Variants in XXYLT1 observed in about 807,000 individuals in gnomAD.
The protein encoded by XXYLT1 is xyloside xylosyltransferase 1.
In XXYLT1, 20 loss-of-function variants were observed where a neutral mutation model predicts 28.9. The observed-to-expected ratio is 0.69, with a 90% CI of 0.49 to 1.00. The LOEUF (loss-of-function observed/expected upper bound fraction) is 1.00, where lower values mean the gene tolerates loss of function less well. Ranked by LOEUF, XXYLT1 falls within the 50% of genes least tolerant of loss-of-function variation. XXYLT1 has a pLI of 0.00. For synonymous variants in XXYLT1, 257 were observed against 253.8 expected, an observed-to-expected ratio of 1.01 and a Z score of -0.12; for missense variants, 542 against 560.1, an observed-to-expected ratio of 0.97 and a Z score of 0.33.
chr3:195,144,964 C>T lies in XXYLT1; in HGVS notation c.785+11485G>A, dbSNP rs755229443. ...TATTCTTTGTAAATAATATGATTCA[C>T]CCTTATGTCTCTACCTTGCTTAGAC... On this transcript the variant is annotated intron_variant, in intron 3 of 3. Coordinates refer to ENST00000310380, the MANE Select transcript of XXYLT1 (RefSeq NM_152531.5). 4.6e-5 allele frequency among the ~76,000 whole-genome samples: 7 copies of T among 151,970 alleles called. No homozygotes were observed. The South Asian group carries it at 1.3e-3, about 27-fold the overall frequency.
At chr3:195,161,743 T>TCCTGC (rs1230722471) in intron 2 of XXYLT1, among the ~76,000 whole-genome samples, 1 of 151,330 alleles carries the variant, frequency 6.6e-6, no homozygotes, top group Non-Finnish European at 1.5e-5. Flanking sequence ...CAAGCAATTC[T>TCCTGC]CCTGCCTCAG....
At chr3:195,254,275 G>A (rs1368584547) in intron 1 of XXYLT1, among the ~76,000 whole-genome samples, 1 of 152,246 alleles carries the variant, frequency 6.6e-6, no homozygotes, top group Non-Finnish European at 1.5e-5. Context: ...GGGGTCAGCA[G>A]CAGAAACAAC....
intron 2 of XXYLT1, among the ~76,000 whole-genome samples, chr3:195,166,438 A>G (rs1256444104): frequency 6.6e-6 from 1 of 151,648 alleles, no homozygotes; most frequent in Non-Finnish European, 1.5e-5. Flanking sequence ...ACTTCCTAAG[A>G]AACAAGGACA....
At chr3:195,086,310 G>A (rs774637754) in intron 3 of XXYLT1, among the ~76,000 whole-genome samples, 4 of 152,120 alleles carry the variant, frequency 2.6e-5, no homozygotes, top group Admixed American at 6.5e-5. Flanking sequence ...GCATCATTAC[G>A]ACGGCTTTAT....
At chr3:195,158,236 G>A (rs536235933) in intron 2 of XXYLT1, among the ~76,000 whole-genome samples, 4 of 152,270 alleles carry the variant, frequency 2.6e-5, no homozygotes, top group Admixed American at 2.0e-4. Context: ...GACAGGCCCT[G>A]CAGGAGTCAT....
At chr3:195,111,483 G>A (rs1717711380) in intron 3 of XXYLT1, among the ~76,000 whole-genome samples, 1 of 152,130 alleles carries the variant, frequency 6.6e-6, no homozygotes, top group Non-Finnish European at 1.5e-5. Flanking sequence ...GGTCTGGCTG[G>A]GCTGAGTGGG....
chr3:195,212,406 T>C (rs1434107735), intron 2 of XXYLT1, among the ~76,000 whole-genome samples: 1 of 152,204 alleles, frequency 6.6e-6, no homozygotes, highest in Non-Finnish European at 1.5e-5. Flanking sequence ...GTGTGGCCTT[T>C]TGGGGACACA....
intron 2 of XXYLT1, among the ~76,000 whole-genome samples, chr3:195,171,354 T>C (rs958238320): frequency 6.6e-6 from 1 of 152,208 alleles, no homozygotes; most frequent in African/African-American, 2.4e-5. Flanking sequence ...GAGCCCGAGA[T>C]GGTGTATTTG....
In XXYLT1 at chr3:195,156,535, G is replaced by C. The variant is rs761109954; in HGVS notation, c.699C>G (p.Thr233=). The change falls in exon 3 of 4, where the codon ACC becomes ACG. Residue 233 remains threonine, a synonymous_variant. Transcript: ENST00000310380. ...IQLDLDLKFK[T]NIRELFEEFD... ...ATTCCTCAAACAACTCCCGGATGTT[G>C]GTCTTAAACTTCAGGTCTAGGTCCA... 6.2e-7 allele frequency: 1 copy of C among 1,614,112 alleles called. No homozygotes were observed. Among genetic ancestry groups the C allele is most frequent in the African/African-American group, 1.3e-5 (1 of 74,936 alleles).
In XXYLT1 at chr3:195,110,917, GT is replaced by G. The variant is rs1423211743; in HGVS notation, c.786-40807del. 3.9e-4 allele frequency among the ~76,000 whole-genome samples: 6 copies of G among 15,398 alleles called. 1 individual carries two copies. Among genetic ancestry groups the G allele is most frequent in the African/African-American group, 4.3e-4 (2 of 4,704 alleles). 10.1% of individuals were successfully genotyped at this position (15,398 alleles called of 152,430 possible). ...TGTGTGGGTGAGGTGTGTGGTGTGT[GT>G]GTGTGGTGTGTGTGAGGTATGTGTA... On this transcript the variant is annotated intron_variant, in intron 3 of 3. Coordinates refer to ENST00000310380, the MANE Select transcript of XXYLT1 (RefSeq NM_152531.5).
At chr3:195,110,320 GAGGGTGAGGTGTGTGTA>G (rs1560100788) in intron 3 of XXYLT1, among the ~76,000 whole-genome samples, 57 of 3,556 alleles carry the variant, frequency 0.016, 3 homozygotes, top group African/African-American at 0.028. Context: ...GTGTGTGGGT[GAGGGTGAGGTGTGTGTA>G]TGTGTGTGGT....
In XXYLT1 at chr3:195,210,289, G is replaced by T. The variant is rs529636959; in HGVS notation, c.652+16420C>A. On this transcript the variant is annotated intron_variant, in intron 2 of 3. Transcript: ENST00000310380. The surrounding 1 kb of genome is among the most constrained non-coding windows in gnomAD (Gnocchi z 4.8). The stretch of plus-strand genomic sequence containing the variant: ...CAGGACGCTGCTCTGCTGACCTCTC[G>T]CCTCTTGCTCCCTGTGTGACACCCA... Among the ~76,000 whole-genome samples the T allele has an allele frequency of 1.3e-5, 2 of 152,182 alleles. No homozygotes were observed. Among genetic ancestry groups the T allele is most frequent in the African/African-American group, 4.8e-5 (2 of 41,434 alleles).
In XXYLT1 at chr3:195,220,837, C is replaced by T. The variant is rs576382783; in HGVS notation, c.652+5872G>A. The stretch of plus-strand genomic sequence containing the variant: ...GGGGTCCAAGCAAGGGACATGTGAC[C>T]TTTGAAAAGTGACTATCCACATTCT... On this transcript the variant is annotated intron_variant, in intron 2 of 3. Transcript: ENST00000310380. Among the ~76,000 whole-genome samples, 22 of 152,298 alleles carry T rather than the reference C, an allele frequency of 1.4e-4. No individual in the cohort carries two copies. In the South Asian group the frequency reaches 4.6e-3, roughly 32 times the overall value.
chr3:195,163,409 C>T (rs1720968933), intron 2 of XXYLT1, among the ~76,000 whole-genome samples: 1 of 152,200 alleles, frequency 6.6e-6, no homozygotes, highest in Non-Finnish European at 1.5e-5. Flanking sequence ...AGCTCCTCAT[C>T]CCCACACTGT....
chr3:195,163,667 T>C (rs569213382), intron 2 of XXYLT1, among the ~76,000 whole-genome samples: 17 of 152,348 alleles, frequency 1.1e-4, no homozygotes, highest in African/African-American at 3.6e-4. Context: ...TAACTGCATA[T>C]CACAGAACAC....
In XXYLT1 at chr3:195,143,875, T is replaced by G. The variant is rs547742965; in HGVS notation, c.785+12574A>C. Among the ~76,000 whole-genome samples the G allele has an allele frequency of 2.9e-3, 351 of 120,142 alleles. 38 individuals carry two copies. Among genetic ancestry groups the G allele is most frequent in the African/African-American group, 8.7e-3 (251 of 28,734 alleles). 78.8% of individuals were successfully genotyped at this position (120,142 alleles called of 152,430 possible). ...ATATAGATATATATAGATATAGATA[T>G]ATATATATATATATTTATTTTTTAT... On this transcript the variant is annotated intron_variant, in intron 3 of 3. Coordinates refer to ENST00000310380, the MANE Select transcript of XXYLT1 (RefSeq NM_152531.5).
chr3:195,212,681 T>A (rs1723376316), intron 2 of XXYLT1, among the ~76,000 whole-genome samples: 1 of 152,196 alleles, frequency 6.6e-6, no homozygotes, highest in African/African-American at 2.4e-5. Flanking sequence ...ATGCTCCTTA[T>A]GAGACTCTGA....
At chr3:195,226,276 G>C (rs1415771421) in intron 2 of XXYLT1, among the ~76,000 whole-genome samples, 1 of 152,172 alleles carries the variant, frequency 6.6e-6, no homozygotes, top group Non-Finnish European at 1.5e-5. Context: ...GTCGTAATTT[G>C]CACCTCTCAC....
At chr3:195,191,250 C>T (rs935397580) in intron 2 of XXYLT1, among the ~76,000 whole-genome samples, 21 of 152,156 alleles carry the variant, frequency 1.4e-4, no homozygotes, top group Non-Finnish European at 2.9e-5. Flanking sequence ...CTTCCACCTC[C>T]TCCACCTCTG....
Sources: gnomAD v4.1 joint callset for allele counts (sites outside exome capture counted in the v4.1 genomes callset) on GRCh38, gnomAD v4.1.1 for gene constraint, Gnocchi (gnomAD v3.1) non-coding constraint, MANE v1.5 for transcripts, NCBI Gene and HGNC (gene_info 2026-07-23, HGNC 2026-07-21) for gene names.